The following GNAI1 variants were observed in gnomAD, a reference collection of about 807,000 sequenced individuals.
GNAI1 encodes G protein subunit alpha i1, also known as guanine nucleotide-binding protein G(i) subunit alpha-1.
GNAI1 carries 11 observed loss-of-function variants against 38.9 expected under a neutral mutation model. The observed-to-expected ratio is 0.28, with a 90% CI of 0.18 to 0.47. GNAI1 has a LOEUF of 0.47. GNAI1 is among the 20% of genes least tolerant of loss of function. The probability of loss-of-function intolerance (pLI) is 0.99; values close to 1 mark genes in which losing one functional copy is unlikely to be tolerated. For synonymous variants in GNAI1, 166 were observed against 145.1 expected (o/e 1.14, Z -1.04); for missense variants, 317 against 436.9 (o/e 0.73, Z 2.45).
Position 80,143,927 on chromosome 7 carries a change from C to CGTGTGT in GNAI1, c.118+8652_118+8657dup, listed in dbSNP as rs10665723. Among the ~76,000 whole-genome samples the CGTGTGT allele has an allele frequency of 8.3e-3, 1,254 of 151,516 alleles. 16 individuals are homozygous for CGTGTGT. Among genetic ancestry groups the CGTGTGT allele is most frequent in the African/African-American group, 0.024 (1,005 of 41,276 alleles). The stretch of plus-strand genomic sequence containing the variant: ...GGATGTGTGTGTGTGTGTGTGCGCG[C>CGTGTGT]GTGTGTGTATCTATATGTGTGCATA... On this transcript the variant is annotated intron_variant, in intron 1 of 7. Transcript: ENST00000649796.
intron 7 of GNAI1, among the ~76,000 whole-genome samples, chr7:80,215,378 A>T: frequency 6.6e-6 from 1 of 152,238 alleles, no homozygotes; most frequent in South Asian, 2.1e-4. Flanking sequence ...GTGGGCCAAC[A>T]AGATGCTGTT....
At chr7:80,151,970 A>G (rs540398452) in intron 1 of GNAI1, among the ~76,000 whole-genome samples, 1 of 152,356 alleles carries the variant, frequency 6.6e-6, no homozygotes, top group African/African-American at 2.4e-5. Context: ...AAAGGGCACA[A>G]GCAAGAATAT....
intron 1 of GNAI1, among the ~76,000 whole-genome samples, chr7:80,147,374 T>TAAA (rs35187234): frequency 7.2e-6 from 1 of 139,328 alleles, no homozygotes; most frequent in Non-Finnish European, 1.5e-5. Flanking sequence ...GTATCCTTAT[T>TAAA]AAAAAAAAAA....
chr7:80,141,693 C>G (rs1168592939), intron 1 of GNAI1, among the ~76,000 whole-genome samples: 1 of 152,150 alleles, frequency 6.6e-6, no homozygotes, highest in Non-Finnish European at 1.5e-5. Flanking sequence ...AGCATTATTT[C>G]ATTTCATATT....
At chr7:80,202,760 AC>A (rs1788711970) in intron 4 of GNAI1, among the ~76,000 whole-genome samples, 1 of 152,178 alleles carries the variant, frequency 6.6e-6, no homozygotes, top group Non-Finnish European at 1.5e-5. Context: ...GATGGTCTCT[AC>A]ATTCAGCTGA....
chr7:80,155,205 TCTC>T (rs1177541967), intron 1 of GNAI1, among the ~76,000 whole-genome samples: 2 of 152,152 alleles, frequency 1.3e-5, no homozygotes, highest in Admixed American at 6.5e-5. Context: ...CTTTTTATAA[TCTC>T]CTTACATGAA....
intron 1 of GNAI1, among the ~76,000 whole-genome samples, chr7:80,147,909 A>G (rs906761231): frequency 1.3e-5 from 2 of 152,210 alleles, no homozygotes; most frequent in South Asian, 2.1e-4. Flanking sequence ...TGCCAGTTCT[A>G]TGGCCTGCAT....
chr7:80,141,588 G>A (rs1446036597), intron 1 of GNAI1, among the ~76,000 whole-genome samples: 2 of 152,166 alleles, frequency 1.3e-5, no homozygotes, highest in Admixed American at 6.5e-5. Flanking sequence ...ACTCTTGGGA[G>A]TCATCCTTCT....
At chr7:80,136,386 G>T (rs1787416793) in intron 1 of GNAI1, among the ~76,000 whole-genome samples, 1 of 152,110 alleles carries the variant, frequency 6.6e-6, no homozygotes, top group South Asian at 2.1e-4. Context: ...CCTGTTTTCA[G>T]TAAGCTTCTG....
intron 1 of GNAI1, among the ~76,000 whole-genome samples, chr7:80,137,299 T>TTTTTTTCTTTTG: frequency 8.9e-6 from 1 of 112,910 alleles, no homozygotes; most frequent in African/African-American, 3.2e-5. Flanking sequence ...TTTTCTTTTT[T>TTTTTTTCTTTTG]TTTTTTTCTT....
chr7:80,177,024 C>CT (rs569135086), intron 1 of GNAI1, among the ~76,000 whole-genome samples: 769 of 61,160 alleles, frequency 0.013, 11 homozygotes, highest in East Asian at 0.018. Context: ...GACAGCATAT[C>CT]TTTTTTTTTT....
In GNAI1 at chr7:80,218,700, A is replaced by G. The variant is rs959787308; in HGVS notation, c.*1207A>G. 1 of 152,086 alleles carries G rather than the reference A, an allele frequency of 6.6e-6. No individual in the cohort carries two copies. Among genetic ancestry groups the G allele is most frequent in the African/African-American group, 2.4e-5 (1 of 41,414 alleles). 9.4% of individuals were successfully genotyped at this position (152,086 alleles called of 1,614,324 possible). A position where few individuals can be genotyped will look rare whatever the true frequency, so the allele number is the denominator to read the frequency against. ...ATTCAAATTTCTCCACTTGCTTGAGATTATATCATTTCTTTTTCAATTATA... is the reference window on the plus strand; with the variant it reads ...ATTCAAATTTCTCCACTTGCTTGAGGTTATATCATTTCTTTTTCAATTATA... On this transcript the variant is annotated 3_prime_UTR_variant, in exon 8 of 8. Coordinates refer to ENST00000649796, the MANE Select transcript of GNAI1 (RefSeq NM_002069.6).
chr7:80,180,612 A>G (rs1385904944), intron 1 of GNAI1, among the ~76,000 whole-genome samples: 4 of 152,132 alleles, frequency 2.6e-5, no homozygotes, highest in Non-Finnish European at 5.9e-5. Flanking sequence ...TAATTAAAGT[A>G]TTACTACTTG....
rs2115742851 is a variant in GNAI1 at position 80,222,217 on chromosome 7, T to TA, written c.*4724_*4725insA. On this transcript the variant is annotated 3_prime_UTR_variant, in exon 8 of 8. Transcript: ENST00000649796. ...CTGCAATTGTCCAAGCCAGAGCTGATTAGGCCTCAACTGGAATAGTCCCAC... is the reference window on the plus strand; with the variant it reads ...CTGCAATTGTCCAAGCCAGAGCTGATATAGGCCTCAACTGGAATAGTCCCAC... 6.6e-6 allele frequency among the ~76,000 whole-genome samples: 1 copy of TA among 152,110 alleles called. No individual in the cohort carries two copies. Among genetic ancestry groups the TA allele is most frequent in the East Asian group, 1.9e-4 (1 of 5,162 alleles).
At chr7:80,150,722 G>A (rs1005859999) in intron 1 of GNAI1, among the ~76,000 whole-genome samples, 6 of 152,108 alleles carry the variant, frequency 3.9e-5, no homozygotes, top group African/African-American at 9.7e-5. Context: ...GAAATATTTC[G>A]TAAATAAACA....
chr7:80,147,256 A>T (rs959915121), intron 1 of GNAI1, among the ~76,000 whole-genome samples: 3 of 152,018 alleles, frequency 2.0e-5, no homozygotes, highest in African/African-American at 4.8e-5. Context: ...CCCAAAATTC[A>T]CATGTCGAAA....
chr7:80,199,077 G>T, intron 3 of GNAI1, 148 bp from the exon 4 acceptor site: 1 of 547,504 alleles, frequency 1.8e-6, no homozygotes, highest in South Asian at 3.4e-5. Flanking sequence ...TTAAGTGGTG[G>T]CTTAGAGAAA....
At chr7:80,142,458 C>T (rs1787544187) in intron 1 of GNAI1, among the ~76,000 whole-genome samples, 2 of 152,140 alleles carry the variant, frequency 1.3e-5, no homozygotes, top group African/African-American at 4.8e-5. Flanking sequence ...ATTAGTCTTC[C>T]TTCGTCTCCC....
At chr7:80,137,317 C>CTTTTTTTTTTTTTTTTTTTTTTTTTTTTT (rs398005254) in intron 1 of GNAI1, among the ~76,000 whole-genome samples, 2 of 53,996 alleles carry the variant, frequency 3.7e-5, no homozygotes, top group African/African-American at 6.8e-5. Context: ...CTTTTCTTTT[C>CTTTTTTTTTTTTTTTTTTTTTTTTTTTTT]TTTTTTTTTT....
Sources: allele counts gnomAD v4.1 joint callset (sites outside exome capture counted in the v4.1 genomes callset), GRCh38; gene constraint gnomAD v4.1.1; transcripts MANE v1.5; gene names NCBI Gene and HGNC (gene_info 2026-07-23, HGNC 2026-07-21).